The following RBFOX1 variants were observed in gnomAD, a reference collection of about 807,000 sequenced individuals.
RBFOX1 encodes the protein RNA binding protein fox-1 homolog 1.
A neutral mutation model predicts 57.7 loss-of-function variants in RBFOX1; 8 were observed. The ratio of observed to expected loss-of-function variants is 0.14; its 90% CI spans 0.08 to 0.25. The LOEUF is 0.25. Ranked by LOEUF, RBFOX1 falls within the 10% of genes least tolerant of loss-of-function variation. The probability of loss-of-function intolerance (pLI) is 1.00; values close to 1 mark genes in which losing one functional copy is unlikely to be tolerated. For synonymous variants in RBFOX1, 326 were observed against 222.4 expected (o/e 1.47, Z -4.15); for missense variants, 611 against 548.5 (o/e 1.11, Z -1.14).
chr16:6,649,627 A>G (rs1018674947), intron 2 of RBFOX1, among the ~76,000 whole-genome samples: 5 of 152,168 alleles, frequency 3.3e-5, no homozygotes, highest in African/African-American at 9.7e-5. Flanking sequence ...TTCGTTTTCC[A>G]TTCGTGACTT....
At chr16:7,484,201 G>T (rs373085862) in intron 4 of RBFOX1, among the ~76,000 whole-genome samples, 1 of 152,114 alleles carries the variant, frequency 6.6e-6, no homozygotes, top group South Asian at 2.1e-4. Flanking sequence ...GGTACGTCAC[G>T]GTAGGAATAT....
chr16:5,406,741 A>G (rs2066878378), intron 1 of RBFOX1, among the ~76,000 whole-genome samples: 2 of 152,156 alleles, frequency 1.3e-5, no homozygotes, highest in Non-Finnish European at 2.9e-5. Context: ...CATTTAGTAC[A>G]TTACACAATG....
intron 3 of RBFOX1, among the ~76,000 whole-genome samples, chr16:5,851,934 G>C (rs2151866149): frequency 6.6e-6 from 1 of 152,278 alleles, no homozygotes; most frequent in Admixed American, 6.5e-5. Flanking sequence ...CATCATTAGA[G>C]GCACCCGAAT....
intron 3 of RBFOX1, among the ~76,000 whole-genome samples, chr16:6,912,292 C>T (rs1403894540): frequency 6.6e-6 from 1 of 152,130 alleles, no homozygotes; most frequent in Admixed American, 6.5e-5. Flanking sequence ...GTGCTCAGCC[C>T]CAGATTTTCT....
chr16:6,985,622 G>T (rs1006210746), intron 3 of RBFOX1, among the ~76,000 whole-genome samples: 12 of 152,280 alleles, frequency 7.9e-5, no homozygotes, highest in African/African-American at 2.6e-4. Flanking sequence ...GAGGTCAGGA[G>T]TTAGAGAACA....
chr16:6,471,695 G>A (rs2095178285), intron 2 of RBFOX1, among the ~76,000 whole-genome samples: 1 of 152,112 alleles, frequency 6.6e-6, no homozygotes, highest in Non-Finnish European at 1.5e-5. Context: ...AAGACCATGA[G>A]CCACAGGGAA....
intron 1 of RBFOX1, among the ~76,000 whole-genome samples, chr16:6,022,644 C>G (rs934385490): frequency 6.6e-6 from 1 of 152,166 alleles, no homozygotes; most frequent in Non-Finnish European, 1.5e-5. Context: ...TATCACGCCA[C>G]TGCACTCCAG....
chr16:6,124,928 G>C (rs985076538), intron 1 of RBFOX1, among the ~76,000 whole-genome samples: 2 of 152,076 alleles, frequency 1.3e-5, no homozygotes, highest in African/African-American at 4.8e-5. Context: ...ATTTCACAGT[G>C]CCTCACCAGC....
chr16:7,454,060 C>G (rs1369638769), intron 4 of RBFOX1, among the ~76,000 whole-genome samples: 4 of 152,180 alleles, frequency 2.6e-5, no homozygotes, highest in East Asian at 1.9e-4. Flanking sequence ...TGGTGAAACC[C>G]CGTCTCTACT....
chr16:6,274,666 G>C (rs1168645264), intron 1 of RBFOX1, among the ~76,000 whole-genome samples: 1 of 152,160 alleles, frequency 6.6e-6, no homozygotes. Flanking sequence ...CTATGGTTTT[G>C]AAATCACCCT....
At chr16:5,444,251 G>C (rs991650790) in intron 1 of RBFOX1, among the ~76,000 whole-genome samples, 1 of 152,202 alleles carries the variant, frequency 6.6e-6, no homozygotes, top group Non-Finnish European at 1.5e-5. Flanking sequence ...CAAAACTGCA[G>C]ATTGGCTGCC....
intron 3 of RBFOX1, among the ~76,000 whole-genome samples, chr16:6,904,488 C>G (rs1241796550): frequency 6.6e-6 from 1 of 151,178 alleles, no homozygotes; most frequent in Non-Finnish European, 1.5e-5. Flanking sequence ...GTAATCCCAG[C>G]TACTCGGGAG....
At chr16:6,937,320 A>G (rs2077543610) in intron 3 of RBFOX1, among the ~76,000 whole-genome samples, 2 of 152,116 alleles carry the variant, frequency 1.3e-5, no homozygotes, top group Admixed American at 1.3e-4. Context: ...TCCCCCGAAC[A>G]ACCACCCCAC....
chr16:6,155,844 C>G (rs1264987373), intron 1 of RBFOX1, among the ~76,000 whole-genome samples: 1 of 152,184 alleles, frequency 6.6e-6, no homozygotes, highest in Non-Finnish European at 1.5e-5. Context: ...TTATTTTTCA[C>G]TCTGGTGAGA....
chr16:7,177,452 A>G (rs1328117446), intron 4 of RBFOX1, among the ~76,000 whole-genome samples: 1 of 151,988 alleles, frequency 6.6e-6, no homozygotes, highest in African/African-American at 2.4e-5. Context: ...AAATACCACA[A>G]GCACACTGTA....
intron 4 of RBFOX1, among the ~76,000 whole-genome samples, chr16:7,312,953 C>A (rs1006488993): frequency 1.3e-5 from 2 of 152,002 alleles, no homozygotes; most frequent in Admixed American, 1.3e-4. Flanking sequence ...GCACTGATGT[C>A]TGGGAGGGTA....
chr16:6,839,466 C>G (rs72768804), intron 3 of RBFOX1, among the ~76,000 whole-genome samples: 12,725 of 152,258 alleles, frequency 0.084, 784 homozygotes, highest in Non-Finnish European at 0.14. Flanking sequence ...ATCTGCTGAA[C>G]AGCTCTGGGC....
chr16:7,385,625 G>A (rs17143531), intron 4 of RBFOX1, among the ~76,000 whole-genome samples: 83,967 of 151,976 alleles, frequency 0.55, 23,383 homozygotes, highest in East Asian at 0.77. Context: ...TCATTTGGGC[G>A]TTGAAACTTG....
intron 2 of RBFOX1, among the ~76,000 whole-genome samples, chr16:6,533,586 T>G (rs2345021): frequency 6.8e-6 from 1 of 147,174 alleles, no homozygotes; most frequent in Admixed American, 6.7e-5. Flanking sequence ...GTCAAGTGAT[T>G]TTTTTTTTTT....
Sources: allele counts gnomAD v4.1 joint callset (sites outside exome capture counted in the v4.1 genomes callset), GRCh38; gene constraint gnomAD v4.1.1; transcripts MANE v1.5; gene names NCBI Gene and HGNC (gene_info 2026-07-23, HGNC 2026-07-21).